The following PAPPA2 variants were observed in gnomAD, a reference collection of about 807,000 sequenced individuals.
PAPPA2 encodes pappalysin 2.
In PAPPA2, 86 loss-of-function variants were observed where a neutral mutation model predicts 176.4. The ratio of observed to expected loss-of-function variants is 0.49; its 90% CI spans 0.41 to 0.58. The LOEUF (loss-of-function observed/expected upper bound fraction) is 0.58, where lower values mean the gene tolerates loss of function less well. Ranked by LOEUF, PAPPA2 falls within the 20% of genes least tolerant of loss-of-function variation. The pLI is 0.00. For missense variants in PAPPA2, 2,073 were observed against 2,256.9 expected (o/e 0.92, Z 1.65); for synonymous variants, 809 against 852.2 (o/e 0.95, Z 0.88).
intron 12 of PAPPA2, among the ~76,000 whole-genome samples, chr1:176,712,720 G>T (rs954396113): frequency 1.3e-5 from 2 of 152,156 alleles, no homozygotes; most frequent in Non-Finnish European, 2.9e-5. Flanking sequence ...CTGCCAGATC[G>T]CAAGTAGGCC....
chr1:176,694,127 C>T (rs979133280), intron 6 of PAPPA2, among the ~76,000 whole-genome samples: 4 of 152,142 alleles, frequency 2.6e-5, no homozygotes, highest in Admixed American at 2.6e-4. Context: ...TACTCCACCC[C>T]AGCAGGTATT....
intron 12 of PAPPA2, among the ~76,000 whole-genome samples, chr1:176,727,373 T>C (rs1558545923): frequency 6.6e-6 from 1 of 152,140 alleles, no homozygotes; most frequent in African/African-American, 2.4e-5. Context: ...AAAAATTATG[T>C]ACCATGTATA....
intron 3 of PAPPA2, among the ~76,000 whole-genome samples, chr1:176,654,728 T>C (rs148057349): frequency 1.8e-4 from 28 of 151,884 alleles, no homozygotes; most frequent in African/African-American, 6.7e-4. Context: ...TTTCCATTTG[T>C]TTGCATCATC....
chr1:176,563,315 C>G (rs142192575), intron 2 of PAPPA2, among the ~76,000 whole-genome samples: 2 of 152,202 alleles, frequency 1.3e-5, no homozygotes, highest in African/African-American at 4.8e-5. Flanking sequence ...GAGTACAGGG[C>G]TCCCTTTCCA....
chr1:176,606,076 C>T (rs534709489), intron 3 of PAPPA2, among the ~76,000 whole-genome samples: 5 of 151,418 alleles, frequency 3.3e-5, no homozygotes, highest in Admixed American at 6.6e-5. Context: ...TATATATATA[C>T]ACACACACAT....
At chr1:176,548,629 G>A (rs549674347) in intron 1 of PAPPA2, among the ~76,000 whole-genome samples, 2 of 152,210 alleles carry the variant, frequency 1.3e-5, no homozygotes, top group South Asian at 4.1e-4. Flanking sequence ...GAAACGCGCA[G>A]TTCTTTTCCA....
intron 3 of PAPPA2, among the ~76,000 whole-genome samples, chr1:176,615,273 A>G (rs1221034510): frequency 6.6e-6 from 1 of 152,168 alleles, no homozygotes; most frequent in Non-Finnish European, 1.5e-5. Flanking sequence ...CATTAAAGAC[A>G]TGTGCTTTTG....
chr1:176,557,043 C>A lies in PAPPA2; in HGVS notation c.721C>A (p.Gln241Lys). The A allele has an allele frequency of 6.2e-7, 1 of 1,614,046 alleles. No homozygotes were observed. Among genetic ancestry groups the A allele is most frequent in the Non-Finnish European group, 8.5e-7 (1 of 1,179,992 alleles). The change falls in exon 2 of 23, where the codon CAA (glutamine) becomes AAA (lysine). Residue 241 changes from glutamine (Q) to lysine (K), a missense_variant. This residue lies in a region of PAPPA2 where 1,196 missense variants were observed against 1,330.4 expected (regional missense o/e 0.90). Transcript: ENST00000367662. The stretch of plus-strand genomic sequence containing the variant: ...AAAGAGTCCACCGGAGGAAAGCAAC[C>A]AAAATGGTGGAGAGGGCTCCTACCG... Reference protein sequence around the residue: ...VKKSPPEESNQNGGEGSYREA... With the variant: ...VKKSPPEESNKNGGEGSYREA...
rs61431554 is a variant in PAPPA2, at chr1:176,805,061, CCCTTCCTT to C, written c.5202+4954_5202+4961del. 9.9e-3 allele frequency among the ~76,000 whole-genome samples: 1,459 copies of C among 147,054 alleles called. 14 individuals are homozygous for C. Among genetic ancestry groups the C allele is most frequent in the African/African-American group, 0.03 (1,197 of 40,378 alleles). Reference sequence around the variant, plus strand: ...CAGATAATAGATTACCTTCTTCCTTCCCTTCCTTCCTTCCTTCCTTCCTTCCTTCCTTT... The same window carrying C: ...CAGATAATAGATTACCTTCTTCCTTCCCTTCCTTCCTTCCTTCCTTCCTTT... On this transcript the variant is annotated intron_variant, in intron 21 of 22. Transcript: ENST00000367662.
At chr1:176,495,537 CAAAAAAA>C (rs537075802) in intron 1 of PAPPA2, among the ~76,000 whole-genome samples, 1 of 69,924 alleles carries the variant, frequency 1.4e-5, no homozygotes, top group South Asian at 4.6e-4. Context: ...AACTCTGTTT[CAAAAAAA>C]AAAAAAAAGA....
chr1:176,781,000 C>A (rs1407345564), intron 17 of PAPPA2, among the ~76,000 whole-genome samples: 1 of 151,974 alleles, frequency 6.6e-6, no homozygotes, highest in Non-Finnish European at 1.5e-5. Flanking sequence ...TGGGGTGTAA[C>A]CTGGGCATAT....
At chr1:176,769,068 G>C (rs1336877187) in intron 15 of PAPPA2, among the ~76,000 whole-genome samples, 1 of 152,212 alleles carries the variant, frequency 6.6e-6, no homozygotes, top group Non-Finnish European at 1.5e-5. Context: ...CCCTAGGCCT[G>C]AAAGGTTTAC....
chr1:176,566,372 G>A (rs2102605928), intron 2 of PAPPA2, among the ~76,000 whole-genome samples: 1 of 152,310 alleles, frequency 6.6e-6, no homozygotes, highest in Admixed American at 6.5e-5. Context: ...TTCAGTGCCT[G>A]GCACCTGTTA....
chr1:176,688,769 C>G (rs1056614824), intron 4 of PAPPA2, among the ~76,000 whole-genome samples: 1 of 152,080 alleles, frequency 6.6e-6, no homozygotes, highest in Admixed American at 6.6e-5. Flanking sequence ...ACAGTAGTCA[C>G]AAGAAAGTCA....
chr1:176,703,007 T>G (rs1338411401), intron 9 of PAPPA2, among the ~76,000 whole-genome samples: 1 of 152,052 alleles, frequency 6.6e-6, no homozygotes, highest in African/African-American at 2.4e-5. Flanking sequence ...CCCCAGAGTA[T>G]TGAGGTATTG....
intron 17 of PAPPA2, among the ~76,000 whole-genome samples, chr1:176,786,664 C>A (rs558476884): frequency 6.6e-6 from 1 of 152,298 alleles, no homozygotes; most frequent in South Asian, 2.1e-4. Context: ...CAGGAACAGT[C>A]AGAGCCTGAC....
Position 176,597,219 on chromosome 1 carries a change from G to A in PAPPA2, c.1991+1624G>A, listed in dbSNP as rs549618127. ...TTTGCAAGTTACGCAAGTCACGTTC[G>A]GAAACTCAGAAGTCTTGTCTGTAAA... On this transcript the variant is annotated intron_variant, in intron 3 of 22. Transcript: ENST00000367662. Among the ~76,000 whole-genome samples, 19 of 152,268 alleles carry A rather than the reference G, an allele frequency of 1.2e-4. No individual in the cohort carries two copies. The East Asian group carries it at 1.5e-3, about 12-fold the overall frequency.
intron 1 of PAPPA2, among the ~76,000 whole-genome samples, chr1:176,478,091 A>T (rs980648269): frequency 6.6e-6 from 1 of 152,216 alleles, no homozygotes; most frequent in Non-Finnish European, 1.5e-5. Context: ...TAGGAACTAT[A>T]GCTGAATATT....
chr1:176,544,734 G>A (rs185567101), intron 1 of PAPPA2, among the ~76,000 whole-genome samples: 29 of 152,258 alleles, frequency 1.9e-4, no homozygotes, highest in Non-Finnish European at 3.1e-4. Flanking sequence ...GACACCAATT[G>A]CAAATGAGAG....
Sources: allele counts gnomAD v4.1 joint callset (sites outside exome capture counted in the v4.1 genomes callset), GRCh38; gene constraint gnomAD v4.1.1; regional missense constraint gnomAD v4.1.1; transcripts MANE v1.5; gene names NCBI Gene and HGNC (gene_info 2026-07-23, HGNC 2026-07-21).